Variants in NRG1 observed in about 807,000 individuals in gnomAD.
NRG1 encodes the protein pro-neuregulin-1, membrane-bound isoform.
In NRG1, 18 loss-of-function variants were observed where a neutral mutation model predicts 63.8. The observed-to-expected ratio is 0.28, with a 90% CI of 0.19 to 0.42. The LOEUF is 0.42. Among genes scored for constraint, NRG1 ranks in the 10% least tolerant of loss-of-function variants. The pLI is 1.00. For synonymous variants in NRG1, 302 were observed against 301.3 expected (o/e 1.00, Z -0.02); for missense variants, 762 against 814.7 (o/e 0.94, Z 0.79).
intron 1 of NRG1, among the ~76,000 whole-genome samples, chr8:32,027,455 T>C (rs1754323249): frequency 8.5e-6 from 1 of 117,604 alleles, no homozygotes; most frequent in African/African-American, 3.3e-5. Context: ...CTTCCTTCCT[T>C]CCTTCCTTCC....
intron 1 of NRG1, among the ~76,000 whole-genome samples, chr8:32,128,916 T>C (rs1456493198): frequency 5.9e-5 from 9 of 151,928 alleles, no homozygotes; most frequent in Admixed American, 3.9e-4. Flanking sequence ...TGTGGTTTTC[T>C]CTGTCTGAAA....
intron 1 of NRG1, among the ~76,000 whole-genome samples, chr8:32,497,266 G>A (rs11779465): frequency 0.096 from 14,580 of 151,850 alleles, 1,051 homozygotes; most frequent in Admixed American, 0.23. Context: ...GGCCAACATG[G>A]TGAAAACCCG....
intron 1 of NRG1, among the ~76,000 whole-genome samples, chr8:31,817,029 T>A: frequency 6.6e-6 from 1 of 152,182 alleles, no homozygotes. Flanking sequence ...TAAAAAAAAA[T>A]TCTCTAAGAG....
intron 1 of NRG1, among the ~76,000 whole-genome samples, chr8:32,123,637 A>G (rs987935212): frequency 6.7e-6 from 1 of 148,794 alleles, no homozygotes; most frequent in South Asian, 2.1e-4. Flanking sequence ...GCATTTATAT[A>G]TCATAATATA....
chr8:31,754,422 A>T (rs1037266369), intron 1 of NRG1, among the ~76,000 whole-genome samples: 1 of 151,998 alleles, frequency 6.6e-6, no homozygotes, highest in Non-Finnish European at 1.5e-5. Flanking sequence ...TGGCCGTGTG[A>T]CGTGGCTACA....
intron 5 of NRG1, among the ~76,000 whole-genome samples, chr8:32,716,283 A>T (rs1235548842): frequency 6.6e-6 from 1 of 152,206 alleles, no homozygotes; most frequent in Non-Finnish European, 1.5e-5. Context: ...GCAAATCTCA[A>T]CTGAAGACTT....
At chr8:31,734,830 GT>G (rs914005720) in intron 1 of NRG1, among the ~76,000 whole-genome samples, 1 of 152,046 alleles carries the variant, frequency 6.6e-6, no homozygotes, top group African/African-American at 2.4e-5. Flanking sequence ...CTCCTCTCCT[GT>G]TTTTTTATTC....
chr8:32,679,108 A>G (rs1024301372), intron 5 of NRG1, among the ~76,000 whole-genome samples: 2 of 152,118 alleles, frequency 1.3e-5, no homozygotes, highest in Admixed American at 6.6e-5. Flanking sequence ...CCTGGAAAAT[A>G]TAGCAAGACA....
chr8:31,750,886 T>A (rs1165484569), intron 1 of NRG1, among the ~76,000 whole-genome samples: 4 of 151,956 alleles, frequency 2.6e-5, no homozygotes. Context: ...AATTTGACAA[T>A]ATCTTTTGGA....
chr8:32,710,747 T>C (rs1257632439), intron 5 of NRG1, among the ~76,000 whole-genome samples: 2 of 152,236 alleles, frequency 1.3e-5, no homozygotes, highest in Non-Finnish European at 1.5e-5. Flanking sequence ...TATTATACTT[T>C]AGTCTAACTA....
intron 1 of NRG1, among the ~76,000 whole-genome samples, chr8:32,536,012 TA>T (rs1238266317): frequency 6.6e-6 from 1 of 152,330 alleles, no homozygotes; most frequent in East Asian, 1.9e-4. Flanking sequence ...CTACATCAAT[TA>T]AAATTATTTT....
chr8:32,010,875 G>A (rs1814644691), intron 1 of NRG1, among the ~76,000 whole-genome samples: 1 of 152,048 alleles, frequency 6.6e-6, no homozygotes, highest in Non-Finnish European at 1.5e-5. Context: ...CAAATCTGAT[G>A]TCCTATAATG....
intron 1 of NRG1, among the ~76,000 whole-genome samples, chr8:32,059,505 G>A (rs1038943939): frequency 1.3e-5 from 2 of 152,092 alleles, no homozygotes; most frequent in Admixed American, 1.3e-4. Context: ...AAAGCACACA[G>A]GAGGTAAATG....
At chr8:32,049,383 A>G (rs1821611932) in intron 1 of NRG1, among the ~76,000 whole-genome samples, 1 of 152,158 alleles carries the variant, frequency 6.6e-6, no homozygotes, top group Non-Finnish European at 1.5e-5. Context: ...TTCAGTGAGA[A>G]TTGAGAGCCC....
Position 32,291,241 on chromosome 8 carries a change from A to T in NRG1, c.38-304587A>T, listed in dbSNP as rs539814555. On this transcript the variant is annotated intron_variant, in intron 1 of 10. Coordinates refer to the NRG1 transcript ENST00000519301. ...CAATTTATATTTAAATGTTAATCTA[A>T]TCTAAAGCCACCCTCACAGAAACAC... Among the ~76,000 whole-genome samples, 8 of 152,268 alleles carry T rather than the reference A, an allele frequency of 5.3e-5. No homozygotes were observed. In the South Asian group the frequency reaches 1.2e-3, roughly 24 times the overall value.
chr8:32,307,910 G>T (rs1286987989), intron 1 of NRG1, among the ~76,000 whole-genome samples: 1 of 152,022 alleles, frequency 6.6e-6, no homozygotes. Flanking sequence ...CAACCTCTCC[G>T]ACACTGACCA....
intron 1 of NRG1, among the ~76,000 whole-genome samples, chr8:32,575,847 A>G (rs973810046): frequency 6.6e-6 from 1 of 152,222 alleles, no homozygotes; most frequent in Non-Finnish European, 1.5e-5. Flanking sequence ...TGCTAGTCTT[A>G]TAGAAAGCAC....
chr8:32,138,239 G>C (rs955711105), intron 1 of NRG1, among the ~76,000 whole-genome samples: 1 of 152,074 alleles, frequency 6.6e-6, no homozygotes, highest in African/African-American at 2.4e-5. Context: ...CGATGTACCA[G>C]TGCAATAAAT....
At chr8:31,820,027 G>T (rs960218534) in intron 1 of NRG1, among the ~76,000 whole-genome samples, 3 of 152,098 alleles carry the variant, frequency 2.0e-5, no homozygotes, top group Non-Finnish European at 4.4e-5. Flanking sequence ...GGAGAAAAGC[G>T]AGTCTGCCTC....
Sources: allele counts gnomAD v4.1 joint callset (sites outside exome capture counted in the v4.1 genomes callset), GRCh38; gene constraint gnomAD v4.1.1; transcripts MANE v1.5; gene names NCBI Gene and HGNC (gene_info 2026-07-23, HGNC 2026-07-21).